PRMT8: variants seen among roughly 807,000 people sequenced by gnomAD.
The protein encoded by PRMT8 is protein arginine N-methyltransferase 8.
PRMT8 carries 7 observed loss-of-function variants against 47.1 expected under a neutral mutation model. The ratio of observed to expected loss-of-function variants is 0.15; its 90% CI spans 0.08 to 0.28. The LOEUF (loss-of-function observed/expected upper bound fraction) is 0.28. Among genes scored for constraint, PRMT8 ranks in the 10% least tolerant of loss-of-function variants. PRMT8 has a pLI of 1.00. For missense variants in PRMT8, 237 were observed against 505.4 expected (o/e 0.47, Z 5.09); for synonymous variants, 188 against 186.5 (o/e 1.01, Z -0.07).
chr12:3,415,708 G>C (rs1031916268), intron 1 of PRMT8, among the ~76,000 whole-genome samples: 1 of 152,206 alleles, frequency 6.6e-6, no homozygotes, highest in Non-Finnish European at 1.5e-5. Context: ...AGAGATGATT[G>C]CAAAATAACA....
rs1438471433 is a variant in PRMT8, at chr12:3,590,753, G to C, written c.980-1478G>C. Among the ~76,000 whole-genome samples, 14 of 152,134 alleles carry C rather than the reference G, an allele frequency of 9.2e-5. No individual in the cohort carries two copies. The East Asian group carries it at 2.7e-3, about 29-fold the overall frequency. ...ATTCCAAAGGCCCCCAGGGTAACTG[G>C]AGTACATTGAACTCCAGTACGAGTA... On this transcript the variant is annotated intron_variant, in intron 8 of 9. Transcript: ENST00000382622.
intron 1 of PRMT8, among the ~76,000 whole-genome samples, chr12:3,420,384 G>A (rs1864528782): frequency 6.6e-6 from 1 of 152,182 alleles, no homozygotes; most frequent in Non-Finnish European, 1.5e-5. Flanking sequence ...CTGTGCAGAT[G>A]TCTTTTTGTT....
chr12:3,486,230 A>C (rs1297271194), upstream of PRMT8, among the ~76,000 whole-genome samples: 1 of 152,188 alleles, frequency 6.6e-6, no homozygotes, highest in Non-Finnish European at 1.5e-5. Flanking sequence ...CTCCCGGTCC[A>C]TATCAGTAGA....
rs368025409 is a variant in PRMT8, at chr12:3,491,717, G to A, written c.75+17G>A. 5 of 1,601,586 alleles carry A rather than the reference G, an allele frequency of 3.1e-6. No homozygotes were observed. The African/African-American group carries it at 6.7e-5, about 21-fold the overall frequency. On this transcript the variant is annotated intron_variant, in intron 1 of 9. Coordinates refer to ENST00000382622, the MANE Select transcript of PRMT8 (RefSeq NM_019854.5). ...AGCACCGAGGTAAGGAGGCGAGCGA[G>A]CAGGGGCTCTCGGAGACCCCGCCGC...
chr12:3,466,525 A>G (rs568902160), intron 1 of PRMT8, among the ~76,000 whole-genome samples: 58 of 152,310 alleles, frequency 3.8e-4, no homozygotes, highest in African/African-American at 1.1e-3. Flanking sequence ...TAGCCCAAGA[A>G]AAATGGAGGG....
chr12:3,430,189 G>A (rs1185652591), intron 1 of PRMT8, among the ~76,000 whole-genome samples: 3 of 152,200 alleles, frequency 2.0e-5, no homozygotes, highest in Non-Finnish European at 4.4e-5. Context: ...ACTGGGGGCT[G>A]CATGCACCAG....
intron 1 of PRMT8, among the ~76,000 whole-genome samples, chr12:3,428,407 G>A (rs1300623523): frequency 6.6e-6 from 1 of 151,660 alleles, no homozygotes; most frequent in African/African-American, 2.4e-5. Context: ...ACTTTCTTCC[G>A]TTAGTGTAGC....
chr12:3,431,654 G>C (rs901200725), intron 1 of PRMT8, among the ~76,000 whole-genome samples: 1 of 152,206 alleles, frequency 6.6e-6, no homozygotes, highest in Non-Finnish European at 1.5e-5. Flanking sequence ...AAAGGCTGCA[G>C]TCAAGCAAGG....
intron 1 of PRMT8, among the ~76,000 whole-genome samples, chr12:3,443,951 G>T (rs374791801): frequency 6.6e-6 from 1 of 152,104 alleles, no homozygotes; most frequent in African/African-American, 2.4e-5. Flanking sequence ...CATTTCTTTC[G>T]TCTAAGTTCG....
chr12:3,448,866 C>T (rs572396639), intron 1 of PRMT8, among the ~76,000 whole-genome samples: 7 of 152,226 alleles, frequency 4.6e-5, no homozygotes, highest in African/African-American at 1.4e-4. Context: ...CATGCATTAG[C>T]TATTTATCCT....
chr12:3,528,006 G>C (rs1865972327), intron 1 of PRMT8, among the ~76,000 whole-genome samples: 1 of 152,124 alleles, frequency 6.6e-6, no homozygotes, highest in Non-Finnish European at 1.5e-5. Context: ...CTTATGGGAA[G>C]CTGGCTGTCA....
chr12:3,483,779 AT>A (rs1008035937), intron 1 of PRMT8, among the ~76,000 whole-genome samples: 9 of 152,142 alleles, frequency 5.9e-5, no homozygotes, highest in East Asian at 1.9e-4. Flanking sequence ...TCAAAGAACA[AT>A]TTTTTTTCAA....
At chr12:3,534,013 C>G (rs1165140896) in intron 1 of PRMT8, among the ~76,000 whole-genome samples, 3 of 152,220 alleles carry the variant, frequency 2.0e-5, no homozygotes, top group African/African-American at 7.2e-5. Context: ...AAGGGCGACA[C>G]TGGGCAGAGG....
intron 1 of PRMT8, among the ~76,000 whole-genome samples, chr12:3,441,460 T>C (rs1323606333): frequency 1.3e-5 from 2 of 152,220 alleles, no homozygotes; most frequent in African/African-American, 4.8e-5. Context: ...TGCTGTTCCT[T>C]CTGTTTCCAA....
At chr12:3,563,788 A>C (rs1187813649) in intron 4 of PRMT8, among the ~76,000 whole-genome samples, 1 of 152,178 alleles carries the variant, frequency 6.6e-6, no homozygotes, top group African/African-American at 2.4e-5. Flanking sequence ...AAATAATAAT[A>C]AAACCAAGCA....
At chr12:3,551,003 GCGAC>G (rs1565438823) in intron 3 of PRMT8, 1 of 152,216 alleles carries the variant, frequency 6.6e-6, no homozygotes, top group African/African-American at 2.4e-5. Flanking sequence ...AGAGGCCTCA[GCGAC>G]CTGAGCAGCA....
At chr12:3,546,697 G>T (rs1207918866) in intron 2 of PRMT8, among the ~76,000 whole-genome samples, 12 of 152,084 alleles carry the variant, frequency 7.9e-5, no homozygotes, top group Admixed American at 7.9e-4. Context: ...TCCTATAAGA[G>T]AACTCCAGGC....
intron 1 of PRMT8, among the ~76,000 whole-genome samples, chr12:3,392,678 G>A (rs1423688796): frequency 6.6e-6 from 1 of 152,074 alleles, no homozygotes; most frequent in East Asian, 1.9e-4. Flanking sequence ...ACATACGTGT[G>A]CATGTGTCTT....
chr12:3,524,102 A>G (rs1362021860), intron 1 of PRMT8, among the ~76,000 whole-genome samples: 3 of 152,226 alleles, frequency 2.0e-5, no homozygotes. Flanking sequence ...TCACCTTGAC[A>G]TTCCATAAAA....
Sources: allele counts gnomAD v4.1 joint callset (sites outside exome capture counted in the v4.1 genomes callset), GRCh38; gene constraint gnomAD v4.1.1; transcripts MANE v1.5; gene names NCBI Gene and HGNC (gene_info 2026-07-23, HGNC 2026-07-21).